NEGR1: variants seen among roughly 807,000 people sequenced by gnomAD.
The protein encoded by NEGR1 is IgLON family member 4.
A neutral mutation model predicts 40.9 loss-of-function variants in NEGR1; 10 were observed. The observed-to-expected ratio is 0.24, with a 90% CI of 0.15 to 0.42. The LOEUF (loss-of-function observed/expected upper bound fraction) is 0.42. Ranked by LOEUF, NEGR1 falls within the 10% of genes least tolerant of loss-of-function variation. The probability of loss-of-function intolerance (pLI) is 1.00; values close to 1 mark genes in which losing one functional copy is unlikely to be tolerated. For missense variants in NEGR1, 352 were observed against 438.9 expected (o/e 0.80, Z 1.77); for synonymous variants, 185 against 166.8 (o/e 1.11, Z -0.84).
At chr1:71,903,143 C>T (rs1661185138) in intron 2 of NEGR1, among the ~76,000 whole-genome samples, 1 of 152,012 alleles carries the variant, frequency 6.6e-6, no homozygotes, top group South Asian at 2.1e-4. Flanking sequence ...ATTAAAATCA[C>T]AAAAATTACC....
intron 4 of NEGR1, among the ~76,000 whole-genome samples, chr1:71,666,511 G>A (rs1652247583): frequency 6.6e-6 from 1 of 151,982 alleles, no homozygotes; most frequent in African/African-American, 2.4e-5. Context: ...TTTCAATTGA[G>A]GTATAGAATA....
chr1:72,030,319 G>A (rs1646846151), intron 1 of NEGR1, among the ~76,000 whole-genome samples: 1 of 151,784 alleles, frequency 6.6e-6, no homozygotes. Context: ...TGATTCTCGT[G>A]CCTCAGCCTC....
intron 1 of NEGR1, among the ~76,000 whole-genome samples, chr1:72,250,146 C>T: frequency 6.6e-6 from 1 of 152,154 alleles, no homozygotes; most frequent in East Asian, 1.9e-4. Flanking sequence ...ATTGAGTTTT[C>T]CCAAAGAAGA....
chr1:72,008,858 C>T (rs757207453), intron 1 of NEGR1, among the ~76,000 whole-genome samples: 3 of 151,964 alleles, frequency 2.0e-5, no homozygotes, highest in Admixed American at 6.6e-5. Flanking sequence ...TCCTAGATTA[C>T]ACCACTGATA....
At chr1:71,946,262 G>A (rs1313137553) in intron 1 of NEGR1, among the ~76,000 whole-genome samples, 1 of 152,054 alleles carries the variant, frequency 6.6e-6, no homozygotes, top group Non-Finnish European at 1.5e-5. Flanking sequence ...ATTTTGTAGA[G>A]ACAGGGTCTA....
intron 1 of NEGR1, among the ~76,000 whole-genome samples, chr1:72,001,694 C>A (rs1646558792): frequency 6.7e-6 from 1 of 150,366 alleles, no homozygotes; most frequent in African/African-American, 2.5e-5. Context: ...ACATCACATG[C>A]AATCTTATAG....
At chr1:71,970,413 G>A (rs1422761307) in intron 1 of NEGR1, among the ~76,000 whole-genome samples, 11 of 152,096 alleles carry the variant, frequency 7.2e-5, no homozygotes, top group African/African-American at 1.9e-4. Flanking sequence ...AATTAAGGGC[G>A]GGACTAGGGG....
At chr1:71,980,480 C>T (rs922276609) in intron 1 of NEGR1, among the ~76,000 whole-genome samples, 3 of 152,112 alleles carry the variant, frequency 2.0e-5, no homozygotes, top group African/African-American at 4.8e-5. Context: ...AATTCTTCTA[C>T]AGTCGGTTAA....
chr1:71,403,978 G>A lies in NEGR1; in HGVS notation c.*3468C>T, dbSNP rs1646261277. ...CCTGACCTCTTTTTAAATCATTTCTGGATTTCAAAAAACAATTTTTATTGA... is the reference window on the plus strand; with the variant it reads ...CCTGACCTCTTTTTAAATCATTTCTAGATTTCAAAAAACAATTTTTATTGA... On this transcript the variant is annotated 3_prime_UTR_variant, in exon 7 of 7. Coordinates refer to ENST00000357731, the MANE Select transcript of NEGR1 (RefSeq NM_173808.3). The A allele has an allele frequency of 2.8e-6, 1 of 354,156 alleles. No individual in the cohort carries two copies. The highest frequency in any genetic ancestry group is 5.1e-6 in the Non-Finnish European group (1 of 194,916). 21.9% of individuals were successfully genotyped at this position (354,156 alleles called of 1,614,324 possible).
At chr1:71,900,924 ACAT>A (rs1407990022) in intron 2 of NEGR1, among the ~76,000 whole-genome samples, 4 of 152,194 alleles carry the variant, frequency 2.6e-5, no homozygotes, top group Non-Finnish European at 5.9e-5. Flanking sequence ...AATAGAAAAT[ACAT>A]CATCACCATC....
intron 2 of NEGR1, among the ~76,000 whole-genome samples, chr1:71,831,109 CTGGA>C (rs1193738158): frequency 1.3e-5 from 2 of 151,922 alleles, no homozygotes; most frequent in Non-Finnish European, 2.9e-5. Context: ...CCTTCTTTGA[CTGGA>C]TGGGTCTATG....
intron 1 of NEGR1, among the ~76,000 whole-genome samples, chr1:72,197,277 G>A (rs1402146367): frequency 3.3e-5 from 5 of 151,962 alleles, no homozygotes; most frequent in South Asian, 2.1e-4. Flanking sequence ...AATGAGTATC[G>A]GAACACTGCT....
chr1:71,927,818 TAAAAAAAAAA>T (rs35429988), intron 2 of NEGR1, among the ~76,000 whole-genome samples: 14 of 22,446 alleles, frequency 6.2e-4, no homozygotes, highest in African/African-American at 1.2e-3. Context: ...ACCCAATCTC[TAAAAAAAAAA>T]AAAAAAAAAA....
intron 1 of NEGR1, among the ~76,000 whole-genome samples, chr1:72,073,843 A>G (rs762690701): frequency 3.9e-5 from 6 of 152,046 alleles, no homozygotes; most frequent in Non-Finnish European, 7.4e-5. Context: ...AGAAAGAAAA[A>G]TGGAAAATAA....
intron 3 of NEGR1, among the ~76,000 whole-genome samples, chr1:71,720,544 G>A (rs141684930): frequency 2.6e-5 from 4 of 152,066 alleles, no homozygotes; most frequent in African/African-American, 7.2e-5. Context: ...ATGCTCAAAC[G>A]GAGAAGTAAC....
rs1323176271 is a variant in NEGR1, at chr1:71,740,683, T to C, written c.535+35489A>G. On this transcript the variant is annotated intron_variant, in intron 3 of 6. Coordinates refer to ENST00000357731, the MANE Select transcript of NEGR1 (RefSeq NM_173808.3). ...TGGCAAATCTCAAGGGACTGTATCA[T>C]TGGTTTCTCTGGAAAACAGCAGGAA... is the stretch of plus-strand genomic sequence containing the variant. 2.0e-5 allele frequency among the ~76,000 whole-genome samples: 3 copies of C among 152,178 alleles called. No homozygotes were observed. The South Asian group carries it at 6.2e-4, about 32-fold the overall frequency.
chr1:71,455,577 C>G (rs1052598613), intron 6 of NEGR1, among the ~76,000 whole-genome samples: 5 of 152,072 alleles, frequency 3.3e-5, no homozygotes, highest in Non-Finnish European at 5.9e-5. Flanking sequence ...TACAAAAAAT[C>G]AGCTGGGCGT....
At chr1:71,443,868 T>G (rs1463043322) in intron 6 of NEGR1, among the ~76,000 whole-genome samples, 1 of 152,228 alleles carries the variant, frequency 6.6e-6, no homozygotes, top group Non-Finnish European at 1.5e-5. Context: ...CCAGATTTTC[T>G]AGATTTTTCA....
chr1:72,042,781 A>G (rs1186553142), intron 1 of NEGR1, among the ~76,000 whole-genome samples: 2 of 152,008 alleles, frequency 1.3e-5, no homozygotes, highest in African/African-American at 2.4e-5. Context: ...ATTAGCCGTG[A>G]ACATATAGAT....
Sources: gnomAD v4.1 joint callset for allele counts (sites outside exome capture counted in the v4.1 genomes callset) on GRCh38, gnomAD v4.1.1 for gene constraint, MANE v1.5 for transcripts, NCBI Gene and HGNC (gene_info 2026-07-23, HGNC 2026-07-21) for gene names.